The following PCDHGA9 variants were observed in gnomAD, a reference collection of about 807,000 sequenced individuals.
PCDHGA9 encodes protocadherin gamma-A9.
Under a neutral mutation model 62.5 loss-of-function variants are expected in PCDHGA9, and 37 were observed. The observed-to-expected ratio is 0.59, with a 90% CI of 0.46 to 0.78. The LOEUF (loss-of-function observed/expected upper bound fraction) is 0.78. Ranked by LOEUF, PCDHGA9 falls within the 30% of genes least tolerant of loss-of-function variation. The probability of loss-of-function intolerance (pLI) is 0.00; values close to 1 mark genes in which losing one functional copy is unlikely to be tolerated. For missense variants in PCDHGA9, 1,138 were observed against 1,166.2 expected (o/e 0.98, Z 0.35); for synonymous variants, 459 against 484.6 (o/e 0.95, Z 0.69).
intron 1 of PCDHGA9, chr5:141,478,906 C>T: frequency 1.1e-6 from 1 of 906,534 alleles, no homozygotes; most frequent in Non-Finnish European, 1.6e-6. Context: ...GAATAAGCTG[C>T]TGGATACCTC....
rs376415955 is a variant in PCDHGA9, at chr5:141,432,082, C to T, written c.2424+26706C>T. ...CCACGGAAACTCATATCTCGCTGAACGTGGCAGACACCAACGACAACCCGC... is the reference window on the plus strand; with the variant it reads ...CCACGGAAACTCATATCTCGCTGAATGTGGCAGACACCAACGACAACCCGC... On this transcript the variant is annotated intron_variant, in intron 1 of 3. Transcript: ENST00000573521. This position sits in a 1 kb window ranked among gnomAD's most constrained non-coding sequence, Gnocchi z 6.0. The T allele has an allele frequency of 3.1e-6, 5 of 1,614,184 alleles. No homozygotes were observed. Among genetic ancestry groups the T allele is most frequent in the Non-Finnish European group, 4.2e-6 (5 of 1,180,028 alleles).
At chr5:141,422,498 C>G in intron 1 of PCDHGA9, 1 of 1,613,966 alleles carries the variant, frequency 6.2e-7, no homozygotes. Context: ...ATAACGTTGA[C>G]AGCCACAGAC....
intron 1 of PCDHGA9, chr5:141,418,513 G>T (rs377653202): frequency 1.1e-4 from 173 of 1,613,842 alleles, no homozygotes; most frequent in Non-Finnish European, 1.2e-4. Flanking sequence ...TAGATGGTGG[G>T]GACCCTCCCC....
chr5:141,404,290 T>C lies in PCDHGA9; in HGVS notation c.1338T>C (p.Asn446=), dbSNP rs2094507318. ...TCACCCTGCAAGTGACTGACATCAATGATAATCCACCTGCTTTCTCTCAAG... is the reference window on the plus strand; with the variant it reads ...TCACCCTGCAAGTGACTGACATCAACGATAATCCACCTGCTTTCTCTCAAG... ...IHITLQVTDI[N]DNPPAFSQAS... is the part of the protein sequence containing the mutation. The change falls in exon 1 of 4, where the codon AAT becomes AAC. Residue 446 remains asparagine, a synonymous_variant. Transcript: ENST00000573521. 6.2e-7 allele frequency: 1 copy of C among 1,613,984 alleles called. No individual in the cohort carries two copies. Among genetic ancestry groups the C allele is most frequent in the South Asian group, 1.1e-5 (1 of 91,078 alleles).
chr5:141,427,146 A>G (rs901147622), intron 1 of PCDHGA9: 10 of 456,872 alleles, frequency 2.2e-5, no homozygotes, highest in Admixed American at 7.0e-5. Context: ...TGATATTGGA[A>G]ATATGTTTGT....
intron 1 of PCDHGA9, among the ~76,000 whole-genome samples, chr5:141,424,839 A>G (rs1264853498): frequency 6.6e-6 from 1 of 152,198 alleles, no homozygotes; most frequent in Non-Finnish European, 1.5e-5. Context: ...CATACATGTT[A>G]TCTGAAGCAA....
At chr5:141,478,941 A>C (rs889484528) in intron 1 of PCDHGA9, 9 of 589,470 alleles carry the variant, frequency 1.5e-5, no homozygotes, top group Non-Finnish European at 2.0e-5. Context: ...TTCTAGGAAT[A>C]CAAAAACTAC....
At chr5:141,409,081 A>G (rs1220843821) in intron 1 of PCDHGA9, 3 of 1,613,820 alleles carry the variant, frequency 1.9e-6, no homozygotes, top group Non-Finnish European at 2.5e-6. Context: ...ATATGTTCTC[A>G]TTGGATGAGA....
chr5:141,491,723 G>C lies in PCDHGA9; in HGVS notation c.2425-3084G>C. The C allele has an allele frequency of 1.2e-6, 2 of 1,606,770 alleles. No homozygotes were observed. The highest frequency in any genetic ancestry group is 1.7e-6 in the Non-Finnish European group (2 of 1,177,028). On this transcript the variant is annotated intron_variant, in intron 1 of 3. Transcript: ENST00000573521. The surrounding 1 kb of genome is among the most constrained non-coding windows in gnomAD (Gnocchi z 6.9). The stretch of plus-strand genomic sequence containing the variant: ...CAGGTGAGGGGCTCGGCGCCGCCCC[G>C]GGCGACCCCTGGGGGCGGCACTGGA...
chr5:141,427,013 T>A, intron 1 of PCDHGA9: 2 of 456,846 alleles, frequency 4.4e-6, no homozygotes, highest in Non-Finnish European at 8.8e-6. Flanking sequence ...TTAGCCAGGA[T>A]GTATACAAAG....
Position 141,431,682 on chromosome 5 carries a change from A to C in PCDHGA9, c.2424+26306A>C. The C allele has an allele frequency of 1.2e-6, 2 of 1,614,232 alleles. No homozygotes were observed. Among genetic ancestry groups the C allele is most frequent in the Non-Finnish European group, 1.7e-6 (2 of 1,180,042 alleles). ...ACAATATCAACAATAGGGGAGTTGG[A>C]CCACGAGGAGTCAGGATTCTACCAG... On this transcript the variant is annotated intron_variant, in intron 1 of 3. Transcript: ENST00000573521. The surrounding 1 kb of genome is among the most constrained non-coding windows in gnomAD (Gnocchi z 4.8).
At chr5:141,409,745 T>G (rs968473065) in intron 1 of PCDHGA9, 9 of 1,613,074 alleles carry the variant, frequency 5.6e-6, no homozygotes, top group Non-Finnish European at 7.6e-6. Flanking sequence ...CGGGGTGGTG[T>G]TCGCGCAGCG....
chr5:141,462,372 C>A (rs2099038225), intron 1 of PCDHGA9, among the ~76,000 whole-genome samples: 1 of 152,096 alleles, frequency 6.6e-6, no homozygotes, highest in African/African-American at 2.4e-5. Flanking sequence ...AGTTTCTATT[C>A]TTTTAAATTC....
chr5:141,486,578 C>A lies in PCDHGA9; in HGVS notation c.2425-8229C>A, dbSNP rs780578882. 5 of 1,613,610 alleles carry A rather than the reference C, an allele frequency of 3.1e-6. No homozygotes were observed. In the Admixed American group the frequency reaches 6.7e-5, roughly 22 times the overall value. On this transcript the variant is annotated intron_variant, in intron 1 of 3. Coordinates refer to ENST00000573521, the MANE Select transcript of PCDHGA9 (RefSeq NM_018921.3). The surrounding 1 kb of genome is among the most constrained non-coding windows in gnomAD (Gnocchi z 5.0). Reference sequence around the variant, plus strand: ...TGAGGTGTTTGTTCCTGAGAACAATCGCCCAGGGGACCTGCTTTGCTCCCT... The same window carrying A: ...TGAGGTGTTTGTTCCTGAGAACAATAGCCCAGGGGACCTGCTTTGCTCCCT...
At chr5:141,407,240 C>T (rs1011878099) in intron 1 of PCDHGA9, among the ~76,000 whole-genome samples, 3 of 152,158 alleles carry the variant, frequency 2.0e-5, no homozygotes, top group African/African-American at 7.2e-5. Context: ...ATAAAGCATA[C>T]TTCAGGCTCA....
At position 141,489,369 on chromosome 5, in the gene PCDHGA9, G is replaced by A. The variant is rs371328808; in HGVS notation, c.2425-5438G>A. The A allele has an allele frequency of 4.5e-5, 73 of 1,613,474 alleles. No individual in the cohort carries two copies. Among genetic ancestry groups the A allele is most frequent in the African/African-American group, 4.1e-4 (31 of 74,894 alleles). ...TGGTGGAGGAGTCTGAGCCGGGGACGCTGGTGGGGAATGTTGCTCAGGATC... is the reference window on the plus strand; with the variant it reads ...TGGTGGAGGAGTCTGAGCCGGGGACACTGGTGGGGAATGTTGCTCAGGATC... On this transcript the variant is annotated intron_variant, in intron 1 of 3. Transcript: ENST00000573521. This position sits in a 1 kb window ranked among gnomAD's most constrained non-coding sequence, Gnocchi z 4.5.
intron 1 of PCDHGA9, among the ~76,000 whole-genome samples, chr5:141,444,463 G>T (rs570185430): frequency 6.6e-6 from 1 of 152,144 alleles, no homozygotes; most frequent in Admixed American, 6.5e-5. Flanking sequence ...GAGTCACTGC[G>T]CCCGGTCGCG....
intron 1 of PCDHGA9, among the ~76,000 whole-genome samples, chr5:141,482,442 C>T (rs942933015): frequency 1.4e-5 from 2 of 147,678 alleles, no homozygotes; most frequent in Non-Finnish European, 3.0e-5. Flanking sequence ...CTGATATTCA[C>T]CATTTATTAG....
At chr5:141,449,080 A>G (rs2098627421) in intron 1 of PCDHGA9, among the ~76,000 whole-genome samples, 1 of 152,198 alleles carries the variant, frequency 6.6e-6, no homozygotes, top group Non-Finnish European at 1.5e-5. Context: ...CCCTGTACCT[A>G]CATCAGTTTT....
Sources: allele counts gnomAD v4.1 joint callset (sites outside exome capture counted in the v4.1 genomes callset), GRCh38; gene constraint gnomAD v4.1.1; non-coding constraint Gnocchi (gnomAD v3.1); transcripts MANE v1.5; gene names NCBI Gene and HGNC (gene_info 2026-07-23, HGNC 2026-07-21).